The following KIAA0825 variants were observed in gnomAD, a reference collection of about 807,000 sequenced individuals.
The protein encoded by KIAA0825 is KIAA0825.
KIAA0825 carries 119 observed loss-of-function variants against 147.6 expected under a neutral mutation model. The ratio of observed to expected loss-of-function variants is 0.81; its 90% CI spans 0.69 to 0.94. The LOEUF is 0.94. Ranked by LOEUF, KIAA0825 falls within the 40% of genes least tolerant of loss-of-function variation. The pLI, the probability that KIAA0825 is intolerant of heterozygous loss-of-function variation, is 0.00. For synonymous variants in KIAA0825, 470 were observed against 518.1 expected (o/e 0.91, Z 1.26); for missense variants, 1,381 against 1,472.7 (o/e 0.94, Z 1.02).
chr5:94,377,465 A>G (rs900720598), intron 20 of KIAA0825, among the ~76,000 whole-genome samples: 2 of 152,222 alleles, frequency 1.3e-5, no homozygotes, highest in Admixed American at 6.5e-5. Context: ...TTCGCCATGA[A>G]TGAGGGAAGG....
Position 94,617,739 on chromosome 5 carries a change from C to G in KIAA0825, c.-153+761G>C, listed in dbSNP as rs564520433. Reference sequence around the variant, plus strand: ...CATCTTTCAAATCTTAAATGAGCACCTTTCCTCACATTATCCCTTTGTCGG... The same window carrying G: ...CATCTTTCAAATCTTAAATGAGCACGTTTCCTCACATTATCCCTTTGTCGG... On this transcript the variant is annotated intron_variant, in intron 1 of 20. Coordinates refer to ENST00000682413, the MANE Select transcript of KIAA0825 (RefSeq NM_001145678.3). Among the ~76,000 whole-genome samples, 11 of 152,306 alleles carry G rather than the reference C, an allele frequency of 7.2e-5. No individual in the cohort carries two copies. In the South Asian group the frequency reaches 8.3e-4, roughly 11 times the overall value.
chr5:94,237,729 A>G (rs1298918149), intron 20 of KIAA0825, among the ~76,000 whole-genome samples: 2 of 152,190 alleles, frequency 1.3e-5, no homozygotes, highest in Non-Finnish European at 2.9e-5. Context: ...TTTGCCCGTA[A>G]TAGGTACACA....
chr5:94,564,997 TC>T (rs1778374996), intron 2 of KIAA0825, among the ~76,000 whole-genome samples: 1 of 132,940 alleles, frequency 7.5e-6, no homozygotes, highest in Non-Finnish European at 1.6e-5. Flanking sequence ...TCTTCTCCTC[TC>T]TCTCTCTCTC....
intron 20 of KIAA0825, among the ~76,000 whole-genome samples, chr5:94,289,673 T>C (rs913964922): frequency 2.6e-5 from 4 of 151,112 alleles, no homozygotes; most frequent in Admixed American, 2.6e-4. Flanking sequence ...CAGGAATGAA[T>C]AAATGAATGA....
At chr5:94,245,653 G>C (rs1775566144) in intron 20 of KIAA0825, among the ~76,000 whole-genome samples, 1 of 152,082 alleles carries the variant, frequency 6.6e-6, no homozygotes, top group Admixed American at 6.6e-5. Flanking sequence ...TCTTGAGTCA[G>C]AGTTAGCATG....
chr5:94,284,301 T>G (rs748201296), intron 20 of KIAA0825, among the ~76,000 whole-genome samples: 1 of 152,124 alleles, frequency 6.6e-6, no homozygotes, highest in Non-Finnish European at 1.5e-5. Context: ...TGAATGTATA[T>G]GAAGTGGGTG....
intron 1 of KIAA0825, among the ~76,000 whole-genome samples, chr5:94,602,831 CTT>C (rs200612253): frequency 2.1e-4 from 29 of 141,180 alleles, no homozygotes; most frequent in Admixed American, 6.4e-4. Context: ...TCGGGTATGC[CTT>C]TTTTTTTTTT....
chr5:94,438,413 T>C (rs1756648924), intron 14 of KIAA0825, among the ~76,000 whole-genome samples: 1 of 152,204 alleles, frequency 6.6e-6, no homozygotes, highest in Admixed American at 6.5e-5. Flanking sequence ...GTGTGAGTTT[T>C]CTCTTTAGGA....
intron 2 of KIAA0825, among the ~76,000 whole-genome samples, chr5:94,554,732 A>C (rs951541802): frequency 7.9e-6 from 1 of 126,466 alleles, no homozygotes; most frequent in Non-Finnish European, 1.7e-5. Context: ...ATATATATAT[A>C]TATATATATA....
intron 3 of KIAA0825, among the ~76,000 whole-genome samples, chr5:94,530,271 C>CAAA (rs770501364): frequency 0.012 from 663 of 53,420 alleles, 11 homozygotes; most frequent in East Asian, 0.021. Context: ...AACTCCGTCA[C>CAAA]AAAAAAAAAA....
chr5:94,220,161 A>G (rs1288047873), intron 20 of KIAA0825, among the ~76,000 whole-genome samples: 1 of 152,044 alleles, frequency 6.6e-6, no homozygotes, highest in African/African-American at 2.4e-5. Flanking sequence ...TTTTTTGTTA[A>G]AAACTAAGAC....
intron 14 of KIAA0825, among the ~76,000 whole-genome samples, chr5:94,430,042 C>A (rs1755457728): frequency 6.6e-6 from 1 of 152,074 alleles, no homozygotes; most frequent in Non-Finnish European, 1.5e-5. Context: ...GAGAGGACCC[C>A]CTGCAGCAAG....
At chr5:94,181,851 G>T (rs1298622818) in intron 20 of KIAA0825, among the ~76,000 whole-genome samples, 1 of 152,100 alleles carries the variant, frequency 6.6e-6, no homozygotes, top group Non-Finnish European at 1.5e-5. Context: ...TAATTCAAAG[G>T]ATACTTAGTG....
chr5:94,236,603 G>A (rs1775054030), intron 20 of KIAA0825, among the ~76,000 whole-genome samples: 1 of 152,186 alleles, frequency 6.6e-6, no homozygotes, highest in Non-Finnish European at 1.5e-5. Context: ...AAGTTCTACT[G>A]TGGGTAAAAT....
chr5:94,199,885 G>A (rs147503227), intron 20 of KIAA0825, among the ~76,000 whole-genome samples: 1 of 152,284 alleles, frequency 6.6e-6, no homozygotes, highest in African/African-American at 2.4e-5. Flanking sequence ...ACTGGAAAGT[G>A]CTTTAGTGGG....
At chr5:94,447,491 T>C (rs1757879360) in intron 13 of KIAA0825, among the ~76,000 whole-genome samples, 1 of 152,094 alleles carries the variant, frequency 6.6e-6, no homozygotes, top group Non-Finnish European at 1.5e-5. Context: ...TCATATACTG[T>C]GGTCAAGCAG....
At chr5:94,332,895 T>C (rs2150297691) in intron 20 of KIAA0825, among the ~76,000 whole-genome samples, 1 of 152,246 alleles carries the variant, frequency 6.6e-6, no homozygotes, top group East Asian at 1.9e-4. Context: ...GCATTTGTTG[T>C]TTCCTTTTTG....
In KIAA0825 at chr5:94,272,478, A is replaced by G. The variant is rs139845847; in HGVS notation, c.3710+111890T>C. Among the ~76,000 whole-genome samples, 745 of 152,222 alleles carry G rather than the reference A, an allele frequency of 4.9e-3. 9 individuals carry two copies. The highest frequency in any genetic ancestry group is 0.017 in the African/African-American group (704 of 41,530). On this transcript the variant is annotated intron_variant, in intron 20 of 20. Coordinates refer to ENST00000682413, the MANE Select transcript of KIAA0825 (RefSeq NM_001145678.3). ...TACCCCATAAATATATACACCTACTATGTACCCACAAAAATTAAAAATAAA... is the reference window on the plus strand; with the variant it reads ...TACCCCATAAATATATACACCTACTGTGTACCCACAAAAATTAAAAATAAA...
intron 16 of KIAA0825, 67 bp from the exon 17 acceptor site, chr5:94,396,576 T>C: frequency 2.3e-6 from 3 of 1,325,128 alleles, no homozygotes; most frequent in Non-Finnish European, 3.0e-6. Context: ...TGGTTTTGTG[T>C]TGTATAAGGA....
Sources: allele counts gnomAD v4.1 joint callset (sites outside exome capture counted in the v4.1 genomes callset), GRCh38; gene constraint gnomAD v4.1.1; transcripts MANE v1.5; gene names NCBI Gene and HGNC (gene_info 2026-07-23, HGNC 2026-07-21).